Variants in THSD7B observed in about 807,000 individuals in gnomAD.
The protein encoded by THSD7B is thrombospondin type-1 domain-containing protein 7B.
Under a neutral mutation model 213.6 loss-of-function variants are expected in THSD7B, and 138 were observed. The observed-to-expected ratio is 0.65, with a 90% CI of 0.56 to 0.74. The LOEUF is 0.74. Ranked by LOEUF, THSD7B falls within the 30% of genes least tolerant of loss-of-function variation. The pLI, the probability that THSD7B is intolerant of heterozygous loss-of-function variation, is 0.00. For missense variants in THSD7B, 1,931 were observed against 1,991.5 expected (o/e 0.97, Z 0.58); for synonymous variants, 742 against 687.0 (o/e 1.08, Z -1.25).
chr2:136,863,977 T>C (rs940172061), intron 1 of THSD7B, among the ~76,000 whole-genome samples: 9 of 152,338 alleles, frequency 5.9e-5, no homozygotes, highest in Non-Finnish European at 1.3e-4. Flanking sequence ...ATGGTGGCTC[T>C]GTGTTTAGAT....
intron 2 of THSD7B, among the ~76,000 whole-genome samples, chr2:136,943,028 A>G (rs930632478): frequency 2.0e-5 from 3 of 152,184 alleles, no homozygotes; most frequent in Non-Finnish European, 4.4e-5. Context: ...ATGTCCCATC[A>G]ATACCTAGCT....
At chr2:136,923,557 A>G (rs1684471558) in intron 2 of THSD7B, among the ~76,000 whole-genome samples, 1 of 152,110 alleles carries the variant, frequency 6.6e-6, no homozygotes, top group Admixed American at 6.5e-5. Context: ...TGCCTGCCCT[A>G]TTTTACATCT....
chr2:137,238,046 A>G (rs796607735), intron 9 of THSD7B, among the ~76,000 whole-genome samples: 74 of 152,304 alleles, frequency 4.9e-4, no homozygotes, highest in African/African-American at 1.8e-3. Context: ...AAAGGGCCAT[A>G]TCATGGAGAG....
intron 2 of THSD7B, among the ~76,000 whole-genome samples, chr2:136,997,139 A>G (rs1341961556): frequency 6.6e-6 from 1 of 152,152 alleles, no homozygotes; most frequent in African/African-American, 2.4e-5. Flanking sequence ...TTGAGGAATA[A>G]AATACATTGT....
intron 12 of THSD7B, among the ~76,000 whole-genome samples, chr2:137,334,167 TC>T (rs1558761526): frequency 1.9e-5 from 1 of 54,004 alleles, no homozygotes; most frequent in East Asian, 6.8e-4. Flanking sequence ...TTTCTTTCTC[TC>T]TTTCTCTCTC....
intron 15 of THSD7B, among the ~76,000 whole-genome samples, chr2:137,455,800 G>A (rs993696115): frequency 2.0e-5 from 3 of 152,114 alleles, no homozygotes; most frequent in Non-Finnish European, 2.9e-5. Flanking sequence ...CTAATGTGTT[G>A]AGTAGATTTA....
chr2:137,641,632 A>G (rs1682939276), intron 20 of THSD7B, among the ~76,000 whole-genome samples: 1 of 152,198 alleles, frequency 6.6e-6, no homozygotes, highest in African/African-American at 2.4e-5. Flanking sequence ...AAGCACAAAC[A>G]AATAATGTAG....
intron 3 of THSD7B, among the ~76,000 whole-genome samples, chr2:137,074,297 A>C (rs36154241): frequency 0.096 from 14,567 of 151,990 alleles, 954 homozygotes; most frequent in African/African-American, 0.19. Context: ...TATTTAGGAT[A>C]GTTAGCTCTT....
chr2:137,344,048 A>T (rs575536834), intron 12 of THSD7B, among the ~76,000 whole-genome samples: 1 of 151,842 alleles, frequency 6.6e-6, no homozygotes, highest in Non-Finnish European at 1.5e-5. Context: ...CACCTGGGCC[A>T]CTGACCAGTA....
chr2:136,877,885 C>T (rs374755419), intron 1 of THSD7B, among the ~76,000 whole-genome samples: 9 of 151,968 alleles, frequency 5.9e-5, no homozygotes, highest in African/African-American at 2.2e-4. Context: ...TAATCCTATA[C>T]ACATGAGGAT....
chr2:137,672,743 A>G (rs57374424), intron 27 of THSD7B, among the ~76,000 whole-genome samples: 17,370 of 152,246 alleles, frequency 0.11, 1,716 homozygotes, highest in East Asian at 0.32. Flanking sequence ...GATGAAAGCA[A>G]TTTATAGTAA....
intron 12 of THSD7B, among the ~76,000 whole-genome samples, chr2:137,368,589 T>C (rs1685472422): frequency 1.3e-5 from 2 of 152,146 alleles, no homozygotes; most frequent in Admixed American, 1.3e-4. Flanking sequence ...CTGGGTAATT[T>C]TAGACATATT....
chr2:137,326,080 G>A (rs1684368655), intron 12 of THSD7B, among the ~76,000 whole-genome samples: 2 of 152,170 alleles, frequency 1.3e-5, no homozygotes, highest in African/African-American at 4.8e-5. Flanking sequence ...GGGATTATCA[G>A]GAATTGATTG....
At chr2:137,026,381 C>A (rs894860170) in intron 2 of THSD7B, among the ~76,000 whole-genome samples, 1 of 152,170 alleles carries the variant, frequency 6.6e-6, no homozygotes, top group Admixed American at 6.6e-5. Context: ...ATGGCCACAT[C>A]TGAAGTGAGT....
chr2:137,060,411 G>A (rs1404928193), intron 3 of THSD7B, among the ~76,000 whole-genome samples: 1 of 146,852 alleles, frequency 6.8e-6, no homozygotes, highest in African/African-American at 2.6e-5. Context: ...TTTTTTTTTG[G>A]TGTTGTTTAA....
At chr2:137,501,469 C>T (rs559496979) in intron 15 of THSD7B, among the ~76,000 whole-genome samples, 1 of 151,896 alleles carries the variant, frequency 6.6e-6, no homozygotes, top group Non-Finnish European at 1.5e-5. Context: ...ATTAAGAGAT[C>T]AAAATATATA....
intron 1 of THSD7B, among the ~76,000 whole-genome samples, chr2:136,849,468 A>G (rs984696615): frequency 4.6e-5 from 7 of 152,170 alleles, no homozygotes; most frequent in African/African-American, 1.7e-4. Flanking sequence ...CTTAAATGCT[A>G]TTAAAGTTGC....
intron 2 of THSD7B, among the ~76,000 whole-genome samples, chr2:137,024,143 A>G (rs548969968): frequency 1.3e-5 from 2 of 152,142 alleles, no homozygotes; most frequent in East Asian, 1.9e-4. Flanking sequence ...CATTTGTTTT[A>G]TGAGAGAAAC....
At chr2:137,141,504 A>T (rs199558685) in intron 5 of THSD7B, among the ~76,000 whole-genome samples, 1 of 41,344 alleles carries the variant, frequency 2.4e-5, no homozygotes, top group Non-Finnish European at 8.4e-5. Context: ...TCACACACAC[A>T]CACACACACA....
Sources: gnomAD v4.1 joint callset for allele counts (sites outside exome capture counted in the v4.1 genomes callset) on GRCh38, gnomAD v4.1.1 for gene constraint, MANE v1.5 for transcripts, NCBI Gene and HGNC (gene_info 2026-07-23, HGNC 2026-07-21) for gene names.